Variants in NRCAM observed in about 807,000 individuals in gnomAD.
The protein encoded by NRCAM is NgCAM-related cell adhesion molecule.
A neutral mutation model predicts 156.5 loss-of-function variants in NRCAM; 83 were observed. The ratio of observed to expected loss-of-function variants is 0.53; its 90% CI spans 0.44 to 0.64. NRCAM has a LOEUF of 0.64. NRCAM is among the 30% of genes least tolerant of loss of function. The pLI is 0.00. For missense variants in NRCAM, 1,417 were observed against 1,597.3 expected (o/e 0.89, Z 1.92); for synonymous variants, 538 against 563.9 (o/e 0.95, Z 0.65).
At chr7:108,227,382 T>C (rs1372673557) in intron 8 of NRCAM, among the ~76,000 whole-genome samples, 2 of 152,248 alleles carry the variant, frequency 1.3e-5, no homozygotes, top group Non-Finnish European at 2.9e-5. Flanking sequence ...GATATTTCAA[T>C]ACACATATAC....
intron 2 of NRCAM, among the ~76,000 whole-genome samples, chr7:108,347,955 A>G (rs185301800): frequency 1.5e-3 from 226 of 152,098 alleles, no homozygotes; most frequent in African/African-American, 4.7e-3. Flanking sequence ...GCACATCCCA[A>G]TCACTGCACT....
chr7:108,225,016 T>C (rs2093193842), intron 10 of NRCAM, among the ~76,000 whole-genome samples: 1 of 152,194 alleles, frequency 6.6e-6, no homozygotes, highest in African/African-American at 2.4e-5. Flanking sequence ...ATTATTTTCA[T>C]TCATAGACTC....
intron 1 of NRCAM, among the ~76,000 whole-genome samples, chr7:108,438,969 G>A (rs1399393345): frequency 6.6e-6 from 1 of 152,076 alleles, no homozygotes; most frequent in Non-Finnish European, 1.5e-5. Flanking sequence ...AAGAGAACAT[G>A]AAGAAAATCT....
At chr7:108,242,102 C>T (rs749531288) in intron 3 of NRCAM, among the ~76,000 whole-genome samples, 23 of 151,586 alleles carry the variant, frequency 1.5e-4, no homozygotes, top group Non-Finnish European at 2.5e-4. Context: ...GGTGAAATCC[C>T]GTCCCTACTA....
intron 13 of NRCAM, among the ~76,000 whole-genome samples, chr7:108,199,689 G>C (rs1370739804): frequency 1.1e-4 from 16 of 152,150 alleles, no homozygotes; most frequent in Admixed American, 1.0e-3. Context: ...CTCTGCTTTT[G>C]GGGGCTCATG....
intron 2 of NRCAM, among the ~76,000 whole-genome samples, chr7:108,350,203 T>A (rs951483518): frequency 6.6e-6 from 1 of 152,198 alleles, no homozygotes; most frequent in Admixed American, 6.5e-5. Context: ...TGCTTTCACC[T>A]CCATAACCTT....
At chr7:108,414,933 G>A (rs1405639633) in intron 1 of NRCAM, among the ~76,000 whole-genome samples, 2 of 152,152 alleles carry the variant, frequency 1.3e-5, no homozygotes, top group Non-Finnish European at 1.5e-5. Flanking sequence ...GGGCTTGCTG[G>A]GGAGCAGCAG....
intron 3 of NRCAM, among the ~76,000 whole-genome samples, chr7:108,289,455 G>A (rs954300762): frequency 7.2e-5 from 11 of 152,038 alleles, no homozygotes; most frequent in Non-Finnish European, 1.5e-4. Flanking sequence ...TTATAGTCAC[G>A]ATGTTGTACA....
At chr7:108,266,078 G>C (rs189262596) in intron 3 of NRCAM, among the ~76,000 whole-genome samples, 93 of 152,104 alleles carry the variant, frequency 6.1e-4, no homozygotes, top group Admixed American at 3.9e-3. Context: ...TAGTATTAAT[G>C]TATTGTATGT....
At chr7:108,228,790 T>C (rs1249038587) in intron 8 of NRCAM, among the ~76,000 whole-genome samples, 1 of 152,230 alleles carries the variant, frequency 6.6e-6, no homozygotes, top group Non-Finnish European at 1.5e-5. Context: ...AGAGCATTAT[T>C]CTTAAAGCCA....
At chr7:108,168,710 A>T (rs893867689) in intron 28 of NRCAM, among the ~76,000 whole-genome samples, 1 of 152,182 alleles carries the variant, frequency 6.6e-6, no homozygotes, top group Non-Finnish European at 1.5e-5. Context: ...CACCGTCTTC[A>T]TTTACTAAAG....
intron 3 of NRCAM, among the ~76,000 whole-genome samples, chr7:108,256,925 C>T (rs2096692762): frequency 6.6e-6 from 1 of 150,478 alleles, no homozygotes; most frequent in African/African-American, 2.4e-5. Flanking sequence ...ACAAGAATCA[C>T]TTGAACCCGG....
chr7:108,388,106 T>C (rs2154370110), intron 2 of NRCAM, among the ~76,000 whole-genome samples: 1 of 152,316 alleles, frequency 6.6e-6, no homozygotes, highest in African/African-American at 2.4e-5. Flanking sequence ...ATGGCATTTC[T>C]AGTTCTAGAT....
chr7:108,227,970 G>A (rs1363193992), intron 8 of NRCAM, among the ~76,000 whole-genome samples: 1 of 152,164 alleles, frequency 6.6e-6, no homozygotes, highest in African/African-American at 2.4e-5. Flanking sequence ...TGGGGGTTTG[G>A]TTGGTGGTTG....
chr7:108,178,126 C>T lies in NRCAM; in HGVS notation c.2852-14G>A. 2 of 1,607,180 alleles carry T rather than the reference C, an allele frequency of 1.2e-6. No homozygotes were observed. Among genetic ancestry groups the T allele is most frequent in the South Asian group, 2.2e-5 (2 of 90,538 alleles). On this transcript the variant is annotated splice_polypyrimidine_tract_variant and intron_variant, in intron 25 of 32. Transcript: ENST00000379028. ...GAGCACTGGGGACTTACAGTGAGAA[C>T]TTACAGTCAACACAAAGATTTCTGA...
chr7:108,224,328 A>T (rs2093023593), intron 10 of NRCAM, among the ~76,000 whole-genome samples: 1 of 152,158 alleles, frequency 6.6e-6, no homozygotes, highest in Non-Finnish European at 1.5e-5. Flanking sequence ...CCACTGATTA[A>T]TCATATTAAG....
intron 1 of NRCAM, among the ~76,000 whole-genome samples, chr7:108,417,923 C>T (rs1803750775): frequency 6.6e-6 from 1 of 152,168 alleles, no homozygotes; most frequent in African/African-American, 2.4e-5. Flanking sequence ...GGCAACAATT[C>T]TCAATATCAC....
intron 26 of NRCAM, among the ~76,000 whole-genome samples, chr7:108,177,655 A>ATATATG (rs2061331645): frequency 6.7e-5 from 1 of 14,932 alleles, no homozygotes; most frequent in African/African-American, 1.2e-4. Context: ...ATATATATAT[A>ATATATG]TATATGTATA....
chr7:108,231,055 G>A lies in NRCAM; in HGVS notation c.526C>T (p.Pro176Ser). Residue 176 changes from proline to serine, a missense_variant, in exon 8 of 33, where the codon CCT becomes TCT. By Grantham distance (74) the Pro-to-Ser change is moderately conservative. Around this residue, in one of 2 missense-constraint regions of NRCAM, gnomAD observed 1,238 missense variants for 1,336.4 expected, o/e 0.93. Coordinates refer to ENST00000379028, the MANE Select transcript of NRCAM (RefSeq NM_001037132.4). ...PCRPPIGLPPPIIFWMDNSFQ... is the reference protein window; with the variant it reads ...PCRPPIGLPPSIIFWMDNSFQ... ...CAATTATCCATCCAAAATATTATAG[G>A]TGGTGGTAATCCAATTGGGGGTCTG... The A allele has an allele frequency of 6.2e-7, 1 of 1,606,306 alleles. No individual in the cohort carries two copies. Among genetic ancestry groups the A allele is most frequent in the Non-Finnish European group, 8.5e-7 (1 of 1,174,348 alleles).
Sources: allele counts gnomAD v4.1 joint callset (sites outside exome capture counted in the v4.1 genomes callset), GRCh38; gene constraint gnomAD v4.1.1; regional missense constraint gnomAD v4.1.1; transcripts MANE v1.5; gene names NCBI Gene and HGNC (gene_info 2026-07-23, HGNC 2026-07-21).